The following RNPC3 variants were observed in gnomAD, a reference collection of about 807,000 sequenced individuals.
RNPC3 encodes RNA-binding region-containing protein 3.
In RNPC3, 48 loss-of-function variants were observed where a neutral mutation model predicts 67.5. The ratio of observed to expected loss-of-function variants is 0.71; its 90% CI spans 0.56 to 0.90. RNPC3 has a LOEUF of 0.90. RNPC3 is among the 40% of genes least tolerant of loss of function. RNPC3 has a pLI of 0.00. For missense variants in RNPC3, 637 were observed against 626.1 expected (o/e 1.02, Z -0.19); for synonymous variants, 239 against 210.3 (o/e 1.14, Z -1.18).
chr1:103,538,337 G>GT (rs995065002), intron 7 of RNPC3, among the ~76,000 whole-genome samples: 1 of 151,984 alleles, frequency 6.6e-6, no homozygotes, highest in Admixed American at 6.6e-5. Context: ...ACATTTTTGA[G>GT]TTTTTTTGTT....
chr1:103,539,706 C>T (rs1651074808), intron 7 of RNPC3, among the ~76,000 whole-genome samples: 1 of 152,106 alleles, frequency 6.6e-6, no homozygotes. Flanking sequence ...CTTTTATCTT[C>T]AGGAAATGTA....
At chr1:103,531,774 G>T (rs781060977) in intron 2 of RNPC3, among the ~76,000 whole-genome samples, 2 of 151,822 alleles carry the variant, frequency 1.3e-5, no homozygotes, top group Non-Finnish European at 2.9e-5. Context: ...ATTTTCTCCC[G>T]CTATGGGTTG....
rs1032668610 is a variant in RNPC3 at position 103,534,714 on chromosome 1, C to G, written c.360-60C>G. The G allele has an allele frequency of 4.2e-5, 32 of 755,594 alleles. No individual in the cohort carries two copies. In the African/African-American group the frequency reaches 5.6e-4, roughly 13 times the overall value. 46.8% of individuals were successfully genotyped at this position (755,594 alleles called of 1,614,324 possible). On this transcript the variant is annotated intron_variant, in intron 3 of 14. Coordinates refer to ENST00000423855, the MANE Select transcript of RNPC3 (RefSeq NM_017619.4). ...TGTTTGAAAAGGTAATTTATCTTTTCTGTGTGCAGTTTTTCACCCTTTGGA... is the reference window on the plus strand; with the variant it reads ...TGTTTGAAAAGGTAATTTATCTTTTGTGTGTGCAGTTTTTCACCCTTTGGA...
chr1:103,533,856 A>G lies in RNPC3; in HGVS notation c.358A>G (p.Arg120Gly), dbSNP rs778506096. Reference sequence around the variant, plus strand: ...CACTTCAGGCTCTGAAAAAAAAAAAAGGTATGTAGATCAGTAAATCATACA... The same window carrying G: ...CACTTCAGGCTCTGAAAAAAAAAAAGGGTATGTAGATCAGTAAATCATACA... The part of the protein sequence containing the change: ...CPTSGSEKKK[R>G]SDDPVEDDKE... Residue 120 changes from arginine to glycine, a missense_variant and splice_region_variant, in exon 3 of 15, where the codon AGG becomes GGG. Physicochemically the swap from Arg to Gly is moderately radical, Grantham distance 125. This residue lies in a region of RNPC3 where 536 missense variants were observed against 500.3 expected (regional missense o/e 1.07). Coordinates refer to ENST00000423855, the MANE Select transcript of RNPC3 (RefSeq NM_017619.4). 6 of 1,378,168 alleles carry G rather than the reference A, an allele frequency of 4.4e-6. No individual in the cohort carries two copies. Among genetic ancestry groups the G allele is most frequent in the East Asian group, 2.5e-5 (1 of 40,180 alleles). 85.4% of individuals were successfully genotyped at this position (1,378,168 alleles called of 1,614,324 possible).
chr1:103,537,385 C>A lies in RNPC3; in HGVS notation c.668C>A (p.Ser223Tyr). The A allele has an allele frequency of 6.5e-7, 1 of 1,535,370 alleles. No individual in the cohort carries two copies. The highest frequency in any genetic ancestry group is 8.7e-7 in the Non-Finnish European group (1 of 1,145,778). Residue 223 changes from serine to tyrosine, a missense_variant, in exon 7 of 15, where the codon TCT becomes TAT. Physicochemically the swap from Ser to Tyr is moderately radical, Grantham distance 144. Coordinates refer to ENST00000423855, the MANE Select transcript of RNPC3 (RefSeq NM_017619.4). ...MPLHAPLPPT[S>Y]PQPPEEPPLP... ...TTGCATGCACCTCTTCCACCCACAT[C>A]TCCTCAGCCACCTGAGGAACCTCCT...
At chr1:103,535,502 A>G (rs1289090522) in intron 5 of RNPC3, 61 bp downstream of exon 5, 6 of 1,007,094 alleles carry the variant, frequency 6.0e-6, no homozygotes, top group Non-Finnish European at 8.8e-6. Flanking sequence ...TTTATTTTTC[A>G]TGCTGATTCT....
intron 12 of RNPC3, among the ~76,000 whole-genome samples, chr1:103,549,845 G>A (rs1453419678): frequency 5.9e-5 from 9 of 152,222 alleles, no homozygotes; most frequent in African/African-American, 1.9e-4. Context: ...CTACTCCGAA[G>A]TTCTGTAATT....
chr1:103,541,558 C>A, intron 8 of RNPC3, 83 bp downstream of exon 8: 1 of 1,281,854 alleles, frequency 7.8e-7, no homozygotes, highest in Non-Finnish European at 1.0e-6. Flanking sequence ...TTCATTCTGG[C>A]ATTTGTTTCC....
At chr1:103,529,257 A>AT (rs1205050981) in intron 2 of RNPC3, among the ~76,000 whole-genome samples, 2 of 151,910 alleles carry the variant, frequency 1.3e-5, no homozygotes, top group African/African-American at 2.4e-5. Context: ...ATGGTAGGTA[A>AT]TTTTTTTTCA....
chr1:103,546,450 C>G (rs1219037918), intron 11 of RNPC3, 108 bp downstream of exon 11: 1 of 528,128 alleles, frequency 1.9e-6, no homozygotes, highest in African/African-American at 2.0e-5. Flanking sequence ...GGTTTTCTTA[C>G]TGTGCTTCAG....
chr1:103,539,436 C>T (rs1171169828), intron 7 of RNPC3, among the ~76,000 whole-genome samples: 1 of 152,208 alleles, frequency 6.6e-6, no homozygotes, highest in Non-Finnish European at 1.5e-5. Context: ...TTTAGGGAAA[C>T]AGGCAGTGCC....
intron 4 of RNPC3, 26 bp from the exon 5 acceptor site, chr1:103,535,304 C>T (rs1051399559): frequency 2.2e-6 from 3 of 1,386,774 alleles, no homozygotes; most frequent in Non-Finnish European, 2.0e-6. Flanking sequence ...AAAACATAAG[C>T]ATCTTAAATG....
intron 3 of RNPC3, 125 bp from the exon 4 acceptor site, chr1:103,534,649 G>A: frequency 1.9e-6 from 1 of 514,976 alleles, no homozygotes. Context: ...ATACTTGAAA[G>A]TTTTTTTTTT....
At chr1:103,554,433 CA>C (rs1458396310) in intron 14 of RNPC3, 2 of 152,360 alleles carry the variant, frequency 1.3e-5, no homozygotes, top group African/African-American at 2.4e-5. Context: ...GGGAGTGTAG[CA>C]CAGATGTTGG....
At chr1:103,547,603 A>T (rs899517791) in intron 12 of RNPC3, among the ~76,000 whole-genome samples, 2 of 152,184 alleles carry the variant, frequency 1.3e-5, no homozygotes, top group African/African-American at 4.8e-5. Context: ...CATTCTTTCA[A>T]TGCATCATCC....
rs1007808837 is a variant in RNPC3, at chr1:103,525,857, C to A, written c.-214C>A. 7.1e-5 allele frequency: 38 copies of A among 532,062 alleles called. No individual in the cohort carries two copies. The highest frequency in any genetic ancestry group is 1.2e-4 in the Non-Finnish European group (37 of 298,808). 33.0% of individuals were successfully genotyped at this position (532,062 alleles called of 1,614,324 possible). ...TTCCGGAGACCCCTGGAATTTAAAT[C>A]ATTAGCACCGCGCCCTTCCCCGAAG... is the stretch of plus-strand genomic sequence containing the variant. On this transcript the variant is annotated 5_prime_UTR_variant, in exon 1 of 15. Transcript: ENST00000423855.
intron 1 of RNPC3, 68 bp downstream of exon 1, chr1:103,526,330 G>C (rs1650708339): frequency 7.4e-7 from 1 of 1,359,100 alleles, no homozygotes; most frequent in South Asian, 1.4e-5. Flanking sequence ...GGGGAGCGCT[G>C]ACAAGAGTAA....
intron 10 of RNPC3, chr1:103,545,348 A>G (rs562373000): frequency 3.3e-6 from 1 of 305,880 alleles, no homozygotes; most frequent in Admixed American, 5.4e-5. Context: ...TTTCATTCCT[A>G]AAACTTTCAT....
intron 12 of RNPC3, among the ~76,000 whole-genome samples, chr1:103,549,443 A>T (rs1001445834): frequency 2.0e-5 from 3 of 152,148 alleles, no homozygotes; most frequent in African/African-American, 7.2e-5. Flanking sequence ...CAGAATGCCA[A>T]AATATATTTT....
Sources: gnomAD v4.1 joint callset for allele counts (sites outside exome capture counted in the v4.1 genomes callset) on GRCh38, gnomAD v4.1.1 for gene constraint, gnomAD v4.1.1 regional missense constraint, MANE v1.5 for transcripts, NCBI Gene and HGNC (gene_info 2026-07-23, HGNC 2026-07-21) for gene names.